Variants in HIBADH observed in about 807,000 individuals in gnomAD.
HIBADH encodes 3-hydroxyisobutyrate dehydrogenase, mitochondrial.
Under a neutral mutation model 36.1 loss-of-function variants are expected in HIBADH, and 25 were observed. The ratio of observed to expected loss-of-function variants is 0.69; its 90% CI spans 0.50 to 0.97. The LOEUF is 0.97. HIBADH is among the 50% of genes least tolerant of loss of function. The pLI is 0.00. For synonymous variants in HIBADH, 160 were observed against 149.5 expected, an observed-to-expected ratio of 1.07 and a Z score of -0.51; for missense variants, 421 against 418.0, an observed-to-expected ratio of 1.01 and a Z score of -0.06.
intron 4 of HIBADH, among the ~76,000 whole-genome samples, chr7:27,548,890 G>A (rs1784274840): frequency 6.6e-6 from 1 of 152,118 alleles, no homozygotes; most frequent in South Asian, 2.1e-4. Context: ...AATTCTCAGA[G>A]AAGGGGTGAA....
Position 27,527,336 on chromosome 7 carries a change from T to C in HIBADH, c.853-964A>G, listed in dbSNP as rs976203481. Among the ~76,000 whole-genome samples the C allele has an allele frequency of 1.6e-4, 24 of 152,224 alleles. 1 individual carries two copies. Among genetic ancestry groups the C allele is most frequent in the Non-Finnish European group, 1.9e-4 (13 of 68,010 alleles). ...CTCACTCTTGCTTTGATATGGAAAATAAACTGGAGAAGATCAGGCTGAAAG... is the reference window on the plus strand; with the variant it reads ...CTCACTCTTGCTTTGATATGGAAAACAAACTGGAGAAGATCAGGCTGAAAG... On this transcript the variant is annotated intron_variant, in intron 7 of 7. Transcript: ENST00000265395.
chr7:27,623,646 T>G (rs2128293564), intron 4 of HIBADH, among the ~76,000 whole-genome samples: 1 of 152,242 alleles, frequency 6.6e-6, no homozygotes, highest in Non-Finnish European at 1.5e-5. Flanking sequence ...GCAATCCCAC[T>G]TATAATTGCT....
In HIBADH at chr7:27,566,652, G is replaced by A. The variant is rs117589731; in HGVS notation, c.485-23552C>T. Among the ~76,000 whole-genome samples the A allele has an allele frequency of 9.3e-3, 1,416 of 151,986 alleles. 56 individuals are homozygous for A. Among genetic ancestry groups the A allele is most frequent in the East Asian group, 0.083 (428 of 5,178 alleles). On this transcript the variant is annotated intron_variant, in intron 4 of 7. Transcript: ENST00000265395. ...AATAGAACTTAAATTACTGATATGA[G>A]ACTCCTTTTCTAATACAAGCATTTA...
At chr7:27,549,902 ATTTCT>A (rs898928293) in intron 4 of HIBADH, among the ~76,000 whole-genome samples, 17 of 152,074 alleles carry the variant, frequency 1.1e-4, no homozygotes, top group South Asian at 6.2e-4. Context: ...ATTACTTAGC[ATTTCT>A]TTTCTTTTCT....
At chr7:27,568,878 C>T (rs989967576) in intron 4 of HIBADH, among the ~76,000 whole-genome samples, 9 of 149,862 alleles carry the variant, frequency 6.0e-5, no homozygotes, top group Non-Finnish European at 8.9e-5. Flanking sequence ...GTTTGTCTTT[C>T]ACTAAACTTG....
intron 4 of HIBADH, among the ~76,000 whole-genome samples, chr7:27,592,064 T>A (rs931151580): frequency 2.6e-5 from 4 of 152,196 alleles, no homozygotes; most frequent in Non-Finnish European, 5.9e-5. Flanking sequence ...AATGCTATAT[T>A]CCCTTTGCCT....
At chr7:27,597,685 C>G (rs1390925845) in intron 4 of HIBADH, among the ~76,000 whole-genome samples, 1 of 152,044 alleles carries the variant, frequency 6.6e-6, no homozygotes, top group African/African-American at 2.4e-5. Flanking sequence ...TCCTCCAACA[C>G]CAATAAAAAG....
chr7:27,568,301 T>C (rs1009740338), intron 4 of HIBADH, among the ~76,000 whole-genome samples: 4 of 152,224 alleles, frequency 2.6e-5, no homozygotes, highest in African/African-American at 9.6e-5. Context: ...AAGCATATTT[T>C]TGTCACATAT....
chr7:27,626,104 G>GGAAAA (rs71555703), intron 4 of HIBADH, among the ~76,000 whole-genome samples: 3 of 72,504 alleles, frequency 4.1e-5, no homozygotes, highest in Non-Finnish European at 7.4e-5. Context: ...CTCCGTCTCA[G>GGAAAA]AAAAAAAAAA....
Position 27,561,285 on chromosome 7 carries a change from A to G in HIBADH, c.485-18185T>C, listed in dbSNP as rs116629497. On this transcript the variant is annotated intron_variant, in intron 4 of 7. Transcript: ENST00000265395. ...CAAAACTTGCATTCTCAGTTTCTTA[A>G]AAGTCCTGCTGCAGCTGCATCCCAG... Among the ~76,000 whole-genome samples, 1,234 of 152,274 alleles carry G rather than the reference A, an allele frequency of 8.1e-3. 22 individuals are homozygous for G. The highest frequency in any genetic ancestry group is 0.028 in the African/African-American group (1,165 of 41,560).
intron 6 of HIBADH, among the ~76,000 whole-genome samples, chr7:27,534,957 G>A (rs1179512370): frequency 6.7e-6 from 1 of 150,202 alleles, no homozygotes; most frequent in Non-Finnish European, 1.5e-5. Flanking sequence ...AAGTCTGTGG[G>A]ACAGCTTGAA....
chr7:27,580,558 CA>C (rs989071126), intron 4 of HIBADH, among the ~76,000 whole-genome samples: 33 of 152,236 alleles, frequency 2.2e-4, no homozygotes, highest in Middle Eastern at 3.4e-3. Context: ...TCATAAAACA[CA>C]AGGAAAGATT....
At chr7:27,547,480 T>C (rs141817678) in intron 4 of HIBADH, among the ~76,000 whole-genome samples, 3 of 152,312 alleles carry the variant, frequency 2.0e-5, no homozygotes, top group Admixed American at 1.3e-4. Flanking sequence ...AGGGCAGTGA[T>C]TGTTGGCTCA....
intron 4 of HIBADH, among the ~76,000 whole-genome samples, chr7:27,554,823 C>T (rs1013294618): frequency 3.5e-4 from 53 of 152,280 alleles, no homozygotes; most frequent in African/African-American, 1.3e-3. Flanking sequence ...CAGGAATTAT[C>T]TCTTTCATGT....
chr7:27,600,821 TAAG>T (rs918805479), intron 4 of HIBADH, among the ~76,000 whole-genome samples: 13 of 152,270 alleles, frequency 8.5e-5, no homozygotes, highest in East Asian at 3.9e-4. Context: ...CACACCAATG[TAAG>T]AAGAAGAGCC....
chr7:27,578,471 C>T (rs1784746519), intron 4 of HIBADH, among the ~76,000 whole-genome samples: 1 of 152,034 alleles, frequency 6.6e-6, no homozygotes, highest in Admixed American at 6.6e-5. Context: ...CCCACCACCA[C>T]ACCTGGCTGA....
intron 5 of HIBADH, among the ~76,000 whole-genome samples, chr7:27,540,374 T>G (rs1357836206): frequency 2.0e-5 from 3 of 152,178 alleles, no homozygotes; most frequent in African/African-American, 4.8e-5. Context: ...TACTCTGCTG[T>G]GGTGTCTATT....
intron 1 of HIBADH, among the ~76,000 whole-genome samples, chr7:27,661,815 G>C (rs991905225): frequency 1.4e-4 from 21 of 152,258 alleles, no homozygotes; most frequent in African/African-American, 4.6e-4. Context: ...TTAAAGAGGA[G>C]TCCTGGTGTG....
At chr7:27,635,086 A>ATGTGTGTGTGTGTG (rs3072901) in intron 2 of HIBADH, among the ~76,000 whole-genome samples, 10 of 149,772 alleles carry the variant, frequency 6.7e-5, no homozygotes, top group South Asian at 2.1e-4. Flanking sequence ...CTCTCTGTGC[A>ATGTGTGTGTGTGTG]TGTGTGTGTG....
Sources: gnomAD v4.1 joint callset for allele counts (sites outside exome capture counted in the v4.1 genomes callset) on GRCh38, gnomAD v4.1.1 for gene constraint, MANE v1.5 for transcripts, NCBI Gene and HGNC (gene_info 2026-07-23, HGNC 2026-07-21) for gene names.